The following SLC44A5 variants were observed in gnomAD, a reference collection of about 807,000 sequenced individuals.
SLC44A5 encodes solute carrier family 44 member 5, also known as choline transporter-like protein 5.
In SLC44A5, 57 loss-of-function variants were observed where a neutral mutation model predicts 101.8. That is an observed-to-expected ratio of 0.56 (90% CI 0.45 to 0.70). SLC44A5 has a LOEUF of 0.70. Among genes scored for constraint, SLC44A5 ranks in the 30% least tolerant of loss-of-function variants. SLC44A5 has a pLI of 0.00. For missense variants in SLC44A5, 737 were observed against 853.1 expected (o/e 0.86, Z 1.70); for synonymous variants, 281 against 290.9 (o/e 0.97, Z 0.35).
At chr1:75,619,599 C>A in the SLC44A5 span, among the ~76,000 whole-genome samples, 3 of 151,984 alleles carry the variant, frequency 2.0e-5, no homozygotes, top group African/African-American at 7.3e-5. Context: ...CCTAACAGAA[C>A]ACATCTGCCA....
In SLC44A5 at chr1:75,392,054, T is replaced by C. The variant is rs976484839; in HGVS notation, c.52+4529A>G. Among the ~76,000 whole-genome samples the C allele has an allele frequency of 3.3e-5, 5 of 151,714 alleles. No individual in the cohort carries two copies. The East Asian group carries it at 7.8e-4, about 24-fold the overall frequency. Reference sequence around the variant, plus strand: ...GTCCCAACTACTCAGAAGGCCAAGATGGAAGGATTACTGGAGCCTAGGAAG... The same window carrying C: ...GTCCCAACTACTCAGAAGGCCAAGACGGAAGGATTACTGGAGCCTAGGAAG... On this transcript the variant is annotated intron_variant, in intron 3 of 23. Coordinates refer to ENST00000370859, the MANE Select transcript of SLC44A5 (RefSeq NM_001130058.2).
chr1:75,412,113 T>G (rs1465299365), intron 2 of SLC44A5, among the ~76,000 whole-genome samples: 1 of 152,166 alleles, frequency 6.6e-6, no homozygotes, highest in Non-Finnish European at 1.5e-5. Context: ...CACTTCACAA[T>G]ACTGTTCATG....
At chr1:75,414,433 C>T (rs1279347472) in intron 2 of SLC44A5, among the ~76,000 whole-genome samples, 1 of 151,830 alleles carries the variant, frequency 6.6e-6, no homozygotes, top group Non-Finnish European at 1.5e-5. Flanking sequence ...AAAATATTTA[C>T]AGAGTATCTA....
chr1:75,600,511 A>C (rs922940693), intron 1 of SLC44A5, among the ~76,000 whole-genome samples: 4 of 152,088 alleles, frequency 2.6e-5, no homozygotes, highest in Non-Finnish European at 4.4e-5. Flanking sequence ...CCAAATATTT[A>C]TTTATTTATT....
At chr1:75,664,346 T>C in the SLC44A5 span, among the ~76,000 whole-genome samples, 2 of 152,100 alleles carry the variant, frequency 1.3e-5, no homozygotes, top group African/African-American at 4.8e-5. Flanking sequence ...AAAAGGCATC[T>C]AAATAGGAAA....
At chr1:75,561,253 CTTA>C (rs953864042) in intron 1 of SLC44A5, among the ~76,000 whole-genome samples, 10 of 152,048 alleles carry the variant, frequency 6.6e-5, no homozygotes, top group African/African-American at 2.4e-4. Context: ...ACTTTCAGAG[CTTA>C]TTATTAGTAA....
At chr1:75,476,476 T>A (rs1168202574) in intron 2 of SLC44A5, among the ~76,000 whole-genome samples, 3 of 151,954 alleles carry the variant, frequency 2.0e-5, no homozygotes, top group Non-Finnish European at 4.4e-5. Flanking sequence ...GTGCAAGGGG[T>A]CAGGGAGTTC....
chr1:75,676,840 C>T, the SLC44A5 span, among the ~76,000 whole-genome samples: 11 of 151,978 alleles, frequency 7.2e-5, no homozygotes, highest in Non-Finnish European at 1.5e-4. Context: ...AACTCCCAAA[C>T]GTCAAGGATA....
At chr1:75,277,451 A>G (rs1272733748) in intron 5 of SLC44A5, among the ~76,000 whole-genome samples, 1 of 152,192 alleles carries the variant, frequency 6.6e-6, no homozygotes, top group Non-Finnish European at 1.5e-5. Context: ...TAGACAAGGT[A>G]TGAACTCAGG....
At chr1:75,487,789 G>C (rs550184944) in intron 2 of SLC44A5, among the ~76,000 whole-genome samples, 2 of 152,218 alleles carry the variant, frequency 1.3e-5, no homozygotes, top group East Asian at 3.9e-4. Context: ...ACACTATATA[G>C]CCCAGGGGTC....
chr1:75,240,041 A>AT (rs1165683743), intron 9 of SLC44A5, among the ~76,000 whole-genome samples: 3 of 151,740 alleles, frequency 2.0e-5, no homozygotes, highest in African/African-American at 7.3e-5. Flanking sequence ...TATTTCATAT[A>AT]TTTTTTTCTG....
chr1:75,445,113 CAAT>C (rs995227800), intron 2 of SLC44A5, among the ~76,000 whole-genome samples: 1 of 152,092 alleles, frequency 6.6e-6, no homozygotes, highest in Non-Finnish European at 1.5e-5. Context: ...ATGTGATCCT[CAAT>C]ATTAGAGGTG....
At chr1:75,388,350 C>T (rs1484893978) in intron 3 of SLC44A5, among the ~76,000 whole-genome samples, 1 of 150,678 alleles carries the variant, frequency 6.6e-6, no homozygotes, top group Non-Finnish European at 1.5e-5. Context: ...ATACTTGCTA[C>T]CACAAAAACA....
the SLC44A5 span, among the ~76,000 whole-genome samples, chr1:75,695,779 A>G: frequency 1.3e-5 from 2 of 148,298 alleles, no homozygotes; most frequent in Non-Finnish European, 3.0e-5. Context: ...ATAAAATAGT[A>G]TTCATGATAC....
Position 75,231,656 on chromosome 1 carries a change from A to G in SLC44A5, c.853+2330T>C, listed in dbSNP as rs565514075. Reference sequence around the variant, plus strand: ...TATGCTAGCAAAATCTAAGTACTTTATAAGCATTATTTTGTTTAGTAGTCA... The same window carrying G: ...TATGCTAGCAAAATCTAAGTACTTTGTAAGCATTATTTTGTTTAGTAGTCA... On this transcript the variant is annotated intron_variant, in intron 12 of 23. Coordinates refer to ENST00000370859, the MANE Select transcript of SLC44A5 (RefSeq NM_001130058.2). Among the ~76,000 whole-genome samples, 4 of 152,322 alleles carry G rather than the reference A, an allele frequency of 2.6e-5. No homozygotes were observed. The East Asian group carries it at 7.7e-4, about 29-fold the overall frequency.
the SLC44A5 span, among the ~76,000 whole-genome samples, chr1:75,632,519 T>C: frequency 6.6e-6 from 1 of 152,180 alleles, no homozygotes; most frequent in Non-Finnish European, 1.5e-5. Context: ...AAGTGGCATC[T>C]TACAAATGCT....
chr1:75,526,555 A>G (rs1380261155), intron 2 of SLC44A5, among the ~76,000 whole-genome samples: 2 of 152,114 alleles, frequency 1.3e-5, no homozygotes, highest in African/African-American at 4.8e-5. Context: ...CAAGAAATAC[A>G]TGTCTGTTGT....
chr1:75,503,074 T>C (rs1669054146), intron 2 of SLC44A5, among the ~76,000 whole-genome samples: 1 of 152,208 alleles, frequency 6.6e-6, no homozygotes, highest in Admixed American at 6.5e-5. Flanking sequence ...ATTGTCATTA[T>C]GTTTTATTCG....
intron 17 of SLC44A5, 24 bp downstream of exon 17, chr1:75,218,466 T>A: frequency 6.2e-7 from 1 of 1,612,570 alleles, no homozygotes; most frequent in South Asian, 1.1e-5. Context: ...ACAAGATAGG[T>A]GTAGGCTTCA....
Sources: gnomAD v4.1 joint callset for allele counts (sites outside exome capture counted in the v4.1 genomes callset) on GRCh38, gnomAD v4.1.1 for gene constraint, MANE v1.5 for transcripts, NCBI Gene and HGNC (gene_info 2026-07-23, HGNC 2026-07-21) for gene names.